ALMS1: variants seen among roughly 807,000 people sequenced by gnomAD.
ALMS1 encodes ALMS1 centrosome and basal body associated protein, also known as centrosome-associated protein ALMS1.
In ALMS1, 271 loss-of-function variants were observed where a neutral mutation model predicts 352.2. The ratio of observed to expected loss-of-function variants is 0.77; its 90% CI spans 0.70 to 0.85. The LOEUF is 0.85. Ranked by LOEUF, ALMS1 falls within the 40% of genes least tolerant of loss-of-function variation. The probability of loss-of-function intolerance (pLI) is 0.00; values close to 1 mark genes in which losing one functional copy is unlikely to be tolerated. For synonymous variants in ALMS1, 1,865 were observed against 1,761.2 expected, an observed-to-expected ratio of 1.06 and a Z score of -1.48; for missense variants, 5,445 against 4,870.7, an observed-to-expected ratio of 1.12 and a Z score of -3.51.
rs886042711 is a variant in ALMS1 at position 73,452,726 on chromosome 2, C to G, written c.6199C>G (p.Gln2067Glu). The change falls in exon 8 of 23, where the codon CAA becomes GAA. Residue 2067 changes from glutamine to glutamate, a missense_variant. By Grantham distance (29) the Gln-to-Glu change is conservative (BLOSUM62 2). Coordinates refer to ENST00000613296, the MANE Select transcript of ALMS1 (RefSeq NM_001378454.1). Reference sequence around the variant, plus strand: ...TCAACAGCAGTTGCCAGATAGAGATCAAAGTAAAGGTATTCTAAAGATTTC... The same window carrying G: ...TCAACAGCAGTTGCCAGATAGAGATGAAAGTAAAGGTATTCTAAAGATTTC... The part of the protein sequence containing the change: ...LFQQQLPDRD[Q>E]SKGILKISAV... The G allele has an allele frequency of 6.2e-7, 1 of 1,613,430 alleles. No homozygotes were observed. Among genetic ancestry groups the G allele is most frequent in the Non-Finnish European group, 8.5e-7 (1 of 1,179,958 alleles).
At chr2:73,568,638 C>A (rs1271335085) in intron 15 of ALMS1, among the ~76,000 whole-genome samples, 1 of 152,078 alleles carries the variant, frequency 6.6e-6, no homozygotes, top group East Asian at 1.9e-4. Context: ...GAAAGTGGAA[C>A]TAGGAGGTTC....
At chr2:73,474,243 A>G (rs1672533340) in intron 9 of ALMS1, among the ~76,000 whole-genome samples, 1 of 152,122 alleles carries the variant, frequency 6.6e-6, no homozygotes, top group Admixed American at 6.5e-5. Flanking sequence ...ATATTTAAAA[A>G]ATTGAGAATT....
At chr2:73,478,063 T>A (rs1672618165) in intron 9 of ALMS1, among the ~76,000 whole-genome samples, 1 of 152,202 alleles carries the variant, frequency 6.6e-6, no homozygotes, top group Non-Finnish European at 1.5e-5. Flanking sequence ...AGAAAGCATC[T>A]AGCTTTTCAT....
intron 15 of ALMS1, among the ~76,000 whole-genome samples, chr2:73,559,790 C>G (rs1212955991): frequency 6.6e-6 from 1 of 152,256 alleles, no homozygotes; most frequent in African/African-American, 2.4e-5. Flanking sequence ...AAAGGATAGT[C>G]TCTTCAACAA....
intron 11 of ALMS1, among the ~76,000 whole-genome samples, chr2:73,529,542 A>T (rs1288302149): frequency 1.3e-5 from 2 of 151,988 alleles, no homozygotes; most frequent in Non-Finnish European, 2.9e-5. Context: ...CTTTGTTTAT[A>T]CCCATCCTTC....
chr2:73,542,450 G>C (rs1674206775), intron 12 of ALMS1, among the ~76,000 whole-genome samples: 1 of 151,976 alleles, frequency 6.6e-6, no homozygotes, highest in Admixed American at 6.6e-5. Flanking sequence ...TTGAAAACTG[G>C]CACAAGACAG....
chr2:73,514,345 G>T (rs1227008815), intron 10 of ALMS1, among the ~76,000 whole-genome samples: 1 of 151,384 alleles, frequency 6.6e-6, no homozygotes. Flanking sequence ...GGTTATTCTA[G>T]AGATTATAAT....
chr2:73,400,195 CT>C (rs1438826833), intron 1 of ALMS1, among the ~76,000 whole-genome samples: 1 of 152,140 alleles, frequency 6.6e-6, no homozygotes, highest in African/African-American at 2.4e-5. Context: ...ATCTGCTCAC[CT>C]TGGCCTCTCA....
intron 7 of ALMS1, among the ~76,000 whole-genome samples, chr2:73,447,182 A>G (rs879460302): frequency 3.3e-5 from 5 of 152,178 alleles, no homozygotes; most frequent in Non-Finnish European, 7.3e-5. Flanking sequence ...CTTACTTTAC[A>G]CTGCTGTTTA....
Position 73,519,756 on chromosome 2 carries a change from C to T in ALMS1, c.9540-19C>T. ...GGCCAAGGATATAATCTGCTGTATTCTTTCTCTTTTTTGGTCAGATTACCA... is the reference window on the plus strand; with the variant it reads ...GGCCAAGGATATAATCTGCTGTATTTTTTCTCTTTTTTGGTCAGATTACCA... On this transcript the variant is annotated intron_variant, in intron 10 of 22. Coordinates refer to ENST00000613296, the MANE Select transcript of ALMS1 (RefSeq NM_001378454.1). 1 of 1,613,812 alleles carries T rather than the reference C, an allele frequency of 6.2e-7. No homozygotes were observed. The highest frequency in any genetic ancestry group is 1.7e-4 in the Middle Eastern group (1 of 6,002).
At chr2:73,565,264 C>A (rs928596715) in intron 15 of ALMS1, among the ~76,000 whole-genome samples, 20 of 151,858 alleles carry the variant, frequency 1.3e-4, no homozygotes, top group African/African-American at 4.6e-4. Flanking sequence ...TTTTGTGGTG[C>A]CAGAAAGTAA....
rs565852292 is a variant in ALMS1 at position 73,554,488 on chromosome 2, G to A, written c.10079-2732G>A. Among the ~76,000 whole-genome samples the A allele has an allele frequency of 4.0e-5, 6 of 151,808 alleles. No homozygotes were observed. In the South Asian group the frequency reaches 6.2e-4, roughly 16 times the overall value. The stretch of plus-strand genomic sequence containing the variant: ...TGGGGGGCCAAGGCGGGTGGATCAC[G>A]AGGTCAGGAGATCGAGACCATCCTG... On this transcript the variant is annotated intron_variant, in intron 13 of 22. Transcript: ENST00000613296.
intron 1 of ALMS1, among the ~76,000 whole-genome samples, chr2:73,401,999 C>G (rs1325768402): frequency 1.3e-5 from 2 of 151,516 alleles, no homozygotes; most frequent in Non-Finnish European, 2.9e-5. Flanking sequence ...ATATTCCTCC[C>G]CCTTCCCCTC....
At chr2:73,534,163 G>T (rs576231482) in intron 11 of ALMS1, among the ~76,000 whole-genome samples, 2 of 152,010 alleles carry the variant, frequency 1.3e-5, no homozygotes, top group Non-Finnish European at 2.9e-5. Context: ...AGACAACTTT[G>T]TAAACAAATA....
At chr2:73,386,498 C>G (rs1396139277) in intron 1 of ALMS1, among the ~76,000 whole-genome samples, 1 of 152,134 alleles carries the variant, frequency 6.6e-6, no homozygotes, top group Non-Finnish European at 1.5e-5. Flanking sequence ...TGTGTCGAGC[C>G]TTGAAGGAGG....
At chr2:73,398,302 G>A (rs772752152) in intron 1 of ALMS1, among the ~76,000 whole-genome samples, 16 of 151,992 alleles carry the variant, frequency 1.1e-4, no homozygotes, top group Admixed American at 8.5e-4. Context: ...CATTTATATG[G>A]GTCTATTTCT....
At chr2:73,606,391 A>G (rs374052198) in intron 21 of ALMS1, among the ~76,000 whole-genome samples, 17 of 152,328 alleles carry the variant, frequency 1.1e-4, no homozygotes, top group African/African-American at 3.8e-4. Flanking sequence ...AGGGGAAATC[A>G]TACAGGGTTT....
intron 2 of ALMS1, 93 bp from the exon 3 acceptor site, chr2:73,419,030 A>G: frequency 1.9e-6 from 2 of 1,035,994 alleles, no homozygotes; most frequent in Middle Eastern, 2.9e-4. Context: ...ATAGGAAGCT[A>G]TATAATACAT....
In ALMS1 at chr2:73,448,501, G is replaced by T; in HGVS notation, c.1974G>T (p.Lys658Asn). ...VSAAPGPVEQ[K>N]TGIPTVSSTS... ...CTGCTCCTGGCCCAGTGGAGCAGAA[G>T]ACGGGAATACCTACAGTATCCTCTA... Residue 658 changes from lysine to asparagine, a missense_variant, in exon 8 of 23, where the codon AAG becomes AAT. Lys to Asn is a moderately conservative substitution (Grantham distance 94). Transcript: ENST00000613296. The T allele has an allele frequency of 6.2e-7, 1 of 1,613,990 alleles. No homozygotes were observed. Among genetic ancestry groups the T allele is most frequent in the Non-Finnish European group, 8.5e-7 (1 of 1,179,942 alleles).
Sources: allele counts gnomAD v4.1 joint callset (sites outside exome capture counted in the v4.1 genomes callset), GRCh38; gene constraint gnomAD v4.1.1; transcripts MANE v1.5; gene names NCBI Gene and HGNC (gene_info 2026-07-23, HGNC 2026-07-21).